Variants in RNF168 observed in about 807,000 individuals in gnomAD.
RNF168 encodes ring finger protein 168, also known as E3 ubiquitin-protein ligase RNF168.
A neutral mutation model predicts 34.9 loss-of-function variants in RNF168; 34 were observed. The observed-to-expected ratio is 0.97, with a 90% CI of 0.74 to 1.30. RNF168 has a LOEUF of 1.30. RNF168 is among the 50% of genes most tolerant of loss of function. RNF168 has a pLI of 0.00. For synonymous variants in RNF168, 264 were observed against 254.7 expected, an observed-to-expected ratio of 1.04 and a Z score of -0.35; for missense variants, 725 against 682.5, an observed-to-expected ratio of 1.06 and a Z score of -0.69.
chr3:196,498,087 G>A (rs1239964373), intron 1 of RNF168, among the ~76,000 whole-genome samples: 1 of 152,116 alleles, frequency 6.6e-6, no homozygotes, highest in East Asian at 1.9e-4. Flanking sequence ...TAAGATGTAC[G>A]GCAACCAGAA....
At position 196,503,201 on chromosome 3, in the gene RNF168, C is replaced by A. The variant is rs1347198561; in HGVS notation, c.-28G>T. Reference sequence around the variant, plus strand: ...CAATATGTTAGTAAAGCCGACTAAACAACGACACCTGCACGAAAAAGAATC... The same window carrying A: ...CAATATGTTAGTAAAGCCGACTAAAAAACGACACCTGCACGAAAAAGAATC... On this transcript the variant is annotated 5_prime_UTR_variant, in exon 1 of 6. Coordinates refer to ENST00000318037, the MANE Select transcript of RNF168 (RefSeq NM_152617.4). 1 of 1,598,516 alleles carries A rather than the reference C, an allele frequency of 6.3e-7. No homozygotes were observed. The highest frequency in any genetic ancestry group is 8.6e-7 in the Non-Finnish European group (1 of 1,165,942).
Position 196,472,353 on chromosome 3 carries a change from G to C in RNF168, c.1182C>G (p.Ser394=). The change falls in exon 6 of 6, where the codon TCC becomes TCG. Residue 394 remains serine, a synonymous_variant. Transcript: ENST00000318037. ...AGCATGGATCCTTGACTGCTTCAAA[G>C]GAAGATTCTTGGTTTTTTCTTTTGG... ...EISKRKNQES[S]FEAVKDPCFS... 1 of 1,614,042 alleles carries C rather than the reference G, an allele frequency of 6.2e-7. No individual in the cohort carries two copies.
intron 1 of RNF168, among the ~76,000 whole-genome samples, chr3:196,495,565 G>A (rs1173370545): frequency 6.6e-6 from 1 of 152,152 alleles, no homozygotes; most frequent in East Asian, 1.9e-4. Flanking sequence ...TTTTCTCACA[G>A]TTAGATTCAG....
chr3:196,487,034 G>A (rs1243556966), intron 3 of RNF168, among the ~76,000 whole-genome samples: 1 of 152,208 alleles, frequency 6.6e-6, no homozygotes, highest in Admixed American at 6.5e-5. Flanking sequence ...CAACCTGCAT[G>A]ACAGAGTAAG....
At position 196,487,565 on chromosome 3, in the gene RNF168, C is replaced by T. The variant is rs772607500; in HGVS notation, c.392G>A (p.Arg131Gln). ...EEEISKVAAE[R>Q]RASEEEENKA... ...GTTTTCTTCTTCCTCGCTGGCCCGTCGCTCTGCCGCCACCTTAAAAGTGAT... is the reference window on the plus strand; with the variant it reads ...GTTTTCTTCTTCCTCGCTGGCCCGTTGCTCTGCCGCCACCTTAAAAGTGAT... Residue 131 changes from arginine to glutamine, a missense_variant, in exon 3 of 6, where the codon CGA becomes CAA. Arg to Gln is a conservative substitution (Grantham distance 43, BLOSUM62 1). Coordinates refer to ENST00000318037, the MANE Select transcript of RNF168 (RefSeq NM_152617.4). The T allele has an allele frequency of 8.1e-6, 13 of 1,614,044 alleles. No individual in the cohort carries two copies. Among genetic ancestry groups the T allele is most frequent in the East Asian group, 6.7e-5 (3 of 44,904 alleles).
chr3:196,495,109 A>G (rs1011740336), intron 1 of RNF168, among the ~76,000 whole-genome samples: 10 of 152,240 alleles, frequency 6.6e-5, no homozygotes. Flanking sequence ...TTGCAAAAAT[A>G]GTATGATAAA....
At chr3:196,473,881 C>G (rs912532810) in intron 5 of RNF168, among the ~76,000 whole-genome samples, 4 of 151,982 alleles carry the variant, frequency 2.6e-5, no homozygotes, top group Admixed American at 6.6e-5. Flanking sequence ...CTTGGGACTT[C>G]TATAAGTTAC....
At chr3:196,481,225 T>G (rs1034791966) in intron 4 of RNF168, among the ~76,000 whole-genome samples, 1 of 152,176 alleles carries the variant, frequency 6.6e-6, no homozygotes, top group Non-Finnish European at 1.5e-5. Context: ...CTCTCCAGCA[T>G]GAGTCTGAAT....
At chr3:196,488,781 T>C (rs1732519489) in intron 1 of RNF168, 98 bp from the exon 2 acceptor site, 8 of 698,718 alleles carry the variant, frequency 1.1e-5, no homozygotes, top group South Asian at 1.1e-4. Context: ...ATACAACTAT[T>C]AATAACTGCA....
intron 1 of RNF168, among the ~76,000 whole-genome samples, chr3:196,502,574 C>A (rs1170697168): frequency 6.7e-6 from 1 of 149,234 alleles, no homozygotes; most frequent in Non-Finnish European, 1.5e-5. Flanking sequence ...GAGGACGGAG[C>A]GAGATCCTGT....
rs143580828 is a variant in RNF168 at position 196,475,962 on chromosome 3, C to T, written c.681-650G>A. ...GCAACCTCCGCCTCCCGGGTTTAAGCGATTTTTCTGCCTTAGCCTCCTGAG... is the reference window on the plus strand; with the variant it reads ...GCAACCTCCGCCTCCCGGGTTTAAGTGATTTTTCTGCCTTAGCCTCCTGAG... On this transcript the variant is annotated intron_variant, in intron 4 of 5. Transcript: ENST00000318037. 8.3e-3 allele frequency among the ~76,000 whole-genome samples: 1,252 copies of T among 151,570 alleles called. 18 individuals carry two copies. The highest frequency in any genetic ancestry group is 0.028 in the African/African-American group (1,165 of 41,306).
At chr3:196,498,399 C>T (rs374054547) in intron 1 of RNF168, among the ~76,000 whole-genome samples, 113 of 152,168 alleles carry the variant, frequency 7.4e-4, no homozygotes, top group African/African-American at 2.4e-3. Context: ...GTGATCCACC[C>T]GCCTCGGCCT....
Position 196,472,812 on chromosome 3 carries a change from A to G in RNF168, c.763-40T>C, listed in dbSNP as rs763208071. ...AAAAGACTGAGTGAACCAGGGGAAA[A>G]TATCAAATCATAAGATGTAAGTCTA... On this transcript the variant is annotated intron_variant, in intron 5 of 5. Transcript: ENST00000318037. 8.3e-6 allele frequency: 10 copies of G among 1,204,826 alleles called. No individual in the cohort carries two copies. The Admixed American group carries it at 1.7e-4, about 20-fold the overall frequency. The allele number at this position is 1,204,826 out of a possible 1,614,324, so 74.6% of individuals were successfully genotyped here.
Position 196,492,824 on chromosome 3 carries a change from T to C in RNF168, c.302-4141A>G, listed in dbSNP as rs115265663. On this transcript the variant is annotated intron_variant, in intron 1 of 5. Coordinates refer to ENST00000318037, the MANE Select transcript of RNF168 (RefSeq NM_152617.4). Reference sequence around the variant, plus strand: ...AATAAAATAAATAAATAGCCCCAAATTGCTCTGGAAAATAAGCATATGATT... The same window carrying C: ...AATAAAATAAATAAATAGCCCCAAACTGCTCTGGAAAATAAGCATATGATT... 3.3e-3 allele frequency among the ~76,000 whole-genome samples: 496 copies of C among 151,718 alleles called. 1 individual carries two copies. The highest frequency in any genetic ancestry group is 0.011 in the African/African-American group (443 of 41,238).
At chr3:196,489,492 A>C (rs769486000) in intron 1 of RNF168, among the ~76,000 whole-genome samples, 1 of 151,910 alleles carries the variant, frequency 6.6e-6, no homozygotes, top group East Asian at 1.9e-4. Context: ...ATGCCCAGCT[A>C]ATTTTTGTAT....
intron 5 of RNF168, among the ~76,000 whole-genome samples, chr3:196,474,145 T>TTTTA (rs1732081305): frequency 6.7e-6 from 1 of 148,252 alleles, no homozygotes; most frequent in African/African-American, 2.5e-5. Context: ...TTTTTTTTTT[T>TTTTA]GAGGTGGAGT....
chr3:196,479,659 C>T (rs887349962), intron 4 of RNF168, among the ~76,000 whole-genome samples: 5 of 151,516 alleles, frequency 3.3e-5, no homozygotes, highest in East Asian at 1.9e-4. Flanking sequence ...GGTGTGACCT[C>T]GGCTCACTGC....
intron 1 of RNF168, among the ~76,000 whole-genome samples, chr3:196,494,173 A>C (rs932626702): frequency 1.3e-5 from 2 of 152,086 alleles, no homozygotes; most frequent in African/African-American, 4.8e-5. Flanking sequence ...AAACAACTCT[A>C]ATTTTATAAG....
chr3:196,471,719 TAG>T lies in RNF168; in HGVS notation c.*98_*99del, dbSNP rs1732011580. The T allele has an allele frequency of 6.0e-6, 5 of 827,768 alleles. No homozygotes were observed. Among genetic ancestry groups the T allele is most frequent in the Non-Finnish European group, 6.3e-6 (3 of 478,306 alleles). 51.3% of individuals were successfully genotyped at this position (827,768 alleles called of 1,614,324 possible). A position where few individuals can be genotyped will look rare whatever the true frequency, so the allele number is the denominator to read the frequency against. ...CTTCATTAAGGACAATGAGTGTGCC[TAG>T]AGAGCAGCATGAATGACACATGGAT... On this transcript the variant is annotated 3_prime_UTR_variant, in exon 6 of 6. Coordinates refer to ENST00000318037, the MANE Select transcript of RNF168 (RefSeq NM_152617.4).
Sources: gnomAD v4.1 joint callset for allele counts (sites outside exome capture counted in the v4.1 genomes callset) on GRCh38, gnomAD v4.1.1 for gene constraint, MANE v1.5 for transcripts, NCBI Gene and HGNC (gene_info 2026-07-23, HGNC 2026-07-21) for gene names.